The following UNKL variants were observed in gnomAD, a reference collection of about 807,000 sequenced individuals.
UNKL encodes the protein putative E3 ubiquitin-protein ligase UNKL.
UNKL carries 60 observed loss-of-function variants against 78.0 expected under a neutral mutation model. That is an observed-to-expected ratio of 0.77 (90% CI 0.63 to 0.95). The LOEUF (loss-of-function observed/expected upper bound fraction) is 0.95, where lower values mean the gene tolerates loss of function less well. Ranked by LOEUF, UNKL falls within the 40% of genes least tolerant of loss-of-function variation. The pLI is 0.00. For missense variants in UNKL, 1,159 were observed against 1,045.7 expected (o/e 1.11, Z -1.49); for synonymous variants, 608 against 474.8 (o/e 1.28, Z -3.65).
intron 8 of UNKL, 137 bp downstream of exon 8, chr16:1,392,754 A>T: frequency 1.9e-6 from 2 of 1,041,038 alleles, no homozygotes; most frequent in Non-Finnish European, 2.8e-6. Context: ...GGATTTTTCT[A>T]GACTCTTCTA....
chr16:1,407,860 C>G (rs779431746), intron 2 of UNKL, among the ~76,000 whole-genome samples: 125 of 152,092 alleles, frequency 8.2e-4, no homozygotes, highest in Non-Finnish European at 1.4e-3. Context: ...GATGGCCACT[C>G]GTTCTGTGGC....
chr16:1,363,429 A>G lies in UNKL; in HGVS notation c.*2811T>C, dbSNP rs1341768096. ...AACATACAGATTGAGGCTTCCAGAA[A>G]TTAATCCACTTGAGGCGTCCACGCG... On this transcript the variant is annotated 3_prime_UTR_variant, in exon 15 of 15. Transcript: ENST00000389221. 1 of 358,628 alleles carries G rather than the reference A, an allele frequency of 2.8e-6. No homozygotes were observed. The highest frequency in any genetic ancestry group is 2.2e-5 in the South Asian group (1 of 44,450). The allele number at this position is 358,628 out of a possible 1,614,324, so 22.2% of individuals were successfully genotyped here.
intron 8 of UNKL, among the ~76,000 whole-genome samples, chr16:1,392,297 G>A (rs146897401): frequency 8.0e-4 from 122 of 152,266 alleles, no homozygotes; most frequent in Non-Finnish European, 1.2e-3. Flanking sequence ...TTCCCTCTGT[G>A]AAGGTGTCCT....
At chr16:1,391,533 G>A (rs574473992) in intron 8 of UNKL, among the ~76,000 whole-genome samples, 7 of 151,440 alleles carry the variant, frequency 4.6e-5, no homozygotes, top group South Asian at 2.1e-4. Flanking sequence ...TCCTGACCTC[G>A]AGCGATTGTC....
chr16:1,370,143 G>A lies in UNKL; in HGVS notation c.1572C>T (p.Ser524=), dbSNP rs1372871260. The change falls in exon 12 of 15, where the codon TCC becomes TCT. Residue 524 remains serine, a synonymous_variant. Coordinates refer to ENST00000389221, the MANE Select transcript of UNKL (RefSeq NM_001372107.1). ...GCCGGCACTCACCTAGGGGGCTGTA[G>A]GATGAGGCTGCAGAGCCCAGTGTGC... ...EPGTLGSAAS[S]YSPLGLNGVP... 1.3e-6 allele frequency: 2 copies of A among 1,522,178 alleles called. No individual in the cohort carries two copies. Among genetic ancestry groups the A allele is most frequent in the African/African-American group, 2.8e-5 (2 of 72,518 alleles). 94.3% of individuals were successfully genotyped at this position (1,522,178 alleles called of 1,614,324 possible). A position where few individuals can be genotyped will look rare whatever the true frequency, so the allele number is the denominator to read the frequency against.
chr16:1,370,911 G>A lies in UNKL; in HGVS notation c.1358-554C>T, dbSNP rs993015014. On this transcript the variant is annotated intron_variant, in intron 11 of 14. Coordinates refer to ENST00000389221, the MANE Select transcript of UNKL (RefSeq NM_001372107.1). ...ATCCTGGCTAACATGGTGAAACCCC[G>A]TCTCTATTAAAAATACAAAAAATTA... is the stretch of plus-strand genomic sequence containing the variant. Among the ~76,000 whole-genome samples, 8 of 152,026 alleles carry A rather than the reference G, an allele frequency of 5.3e-5. 1 individual carries two copies. The highest frequency in any genetic ancestry group is 1.9e-4 in the East Asian group (1 of 5,172).
In UNKL at chr16:1,403,181, C is replaced by T. The variant is rs375894648; in HGVS notation, c.451G>A (p.Val151Met). 7 of 1,611,768 alleles carry T rather than the reference C, an allele frequency of 4.3e-6. No homozygotes were observed. Among genetic ancestry groups the T allele is most frequent in the Non-Finnish European group, 5.9e-6 (7 of 1,179,094 alleles). Reference protein sequence around the residue: ...AHGPLDLRPPVCDVRELQAQE... With the variant: ...AHGPLDLRPPMCDVRELQAQE... ...ATGCCCACTCACCTGACGTCACACA[C>T]GGGCGGCCGCAGGTCCAGGGGGCCG... Residue 151 changes from valine to methionine, a missense_variant, in exon 3 of 15, where the codon GTG (valine) becomes ATG (methionine). Physicochemically the swap from Val to Met is conservative, Grantham distance 21. Transcript: ENST00000389221. This position sits in a 1 kb window ranked among gnomAD's most constrained non-coding sequence, Gnocchi z 4.8.
Position 1,370,292 on chromosome 16 carries a change from G to A in UNKL, c.1423C>T (p.Leu475=). 2 of 1,534,586 alleles carry A rather than the reference G, an allele frequency of 1.3e-6. No individual in the cohort carries two copies. Among genetic ancestry groups the A allele is most frequent in the Non-Finnish European group, 1.7e-6 (2 of 1,145,870 alleles). Residue 475 remains leucine, a synonymous_variant, in exon 12 of 15, where the codon CTA becomes TTA. Coordinates refer to ENST00000389221, the MANE Select transcript of UNKL (RefSeq NM_001372107.1). ...IPGSLPRAPS[L]HSPSSASTSP... is the part of the protein sequence containing the mutation. ...GTGGACGCAGAGGATGGCGAGTGTAGCGATGGTGCTCTGGGCAGGGAGCCG... is the reference window on the plus strand; with the variant it reads ...GTGGACGCAGAGGATGGCGAGTGTAACGATGGTGCTCTGGGCAGGGAGCCG...
intron 10 of UNKL, among the ~76,000 whole-genome samples, chr16:1,372,020 G>T (rs1408201386): frequency 2.6e-5 from 4 of 152,148 alleles, no homozygotes. Flanking sequence ...ACTTTGGGAG[G>T]CCGAGGTGGG....
In UNKL at chr16:1,387,360, G is replaced by C. The variant is rs979801408; in HGVS notation, c.1087-1975C>G. Among the ~76,000 whole-genome samples, 1 of 152,292 alleles carries C rather than the reference G, an allele frequency of 6.6e-6. No individual in the cohort carries two copies. The highest frequency in any genetic ancestry group is 2.4e-5 in the African/African-American group (1 of 41,582). On this transcript the variant is annotated intron_variant, in intron 9 of 14. Transcript: ENST00000389221. The surrounding 1 kb of genome is among the most constrained non-coding windows in gnomAD (Gnocchi z 4.1). Reference sequence around the variant, plus strand: ...AACACTATGGGTGATTCGAGACCTGGTGCCATCTCAGTGGCAACCCGCCCC... The same window carrying C: ...AACACTATGGGTGATTCGAGACCTGCTGCCATCTCAGTGGCAACCCGCCCC...
intron 14 of UNKL, 63 bp downstream of exon 14, chr16:1,367,029 C>G (rs1270561564): frequency 6.8e-7 from 1 of 1,460,948 alleles, no homozygotes; most frequent in Non-Finnish European, 9.0e-7. Context: ...AGGGCCCTCC[C>G]CAGACAGGGA....
intron 2 of UNKL, 131 bp downstream of exon 2, chr16:1,413,715 C>G (rs1054973427): frequency 7.8e-6 from 8 of 1,025,338 alleles, no homozygotes; most frequent in Non-Finnish European, 9.6e-6. Flanking sequence ...AAAATTTCAG[C>G]GTATAATTAC....
intron 7 of UNKL, among the ~76,000 whole-genome samples, chr16:1,393,620 G>T (rs1448087508): frequency 1.3e-5 from 2 of 152,222 alleles, no homozygotes; most frequent in Non-Finnish European, 2.9e-5. Flanking sequence ...CAGCAAACGG[G>T]CTCTGGAAAG....
chr16:1,379,312 C>G (rs2036473559), intron 10 of UNKL: 1 of 255,624 alleles, frequency 3.9e-6, no homozygotes, highest in African/African-American at 2.3e-5. Context: ...TCTCCTGCCC[C>G]GCTCCGCTCC....
rs2035065591 is a variant in UNKL, at chr16:1,364,386, A to C, written c.*1854T>G. ...TTTTACCTAGACGTTTTGCACTTAAAAAATGCTATTAAAAGTCTTTGGCAA... is the reference window on the plus strand; with the variant it reads ...TTTTACCTAGACGTTTTGCACTTAACAAATGCTATTAAAAGTCTTTGGCAA... On this transcript the variant is annotated 3_prime_UTR_variant, in exon 15 of 15. Transcript: ENST00000389221. 2 of 152,382 alleles carry C rather than the reference A, an allele frequency of 1.3e-5. No individual in the cohort carries two copies. The highest frequency in any genetic ancestry group is 4.1e-4 in the South Asian group (2 of 4,828). The allele number at this position is 152,382 out of a possible 1,614,324, so 9.4% of individuals were successfully genotyped here.
chr16:1,371,021 T>G (rs549521149), intron 11 of UNKL, among the ~76,000 whole-genome samples: 59 of 145,606 alleles, frequency 4.1e-4, no homozygotes, highest in African/African-American at 1.5e-3. Flanking sequence ...AGGTGGAGCT[T>G]GCAGTGAGCG....
At position 1,367,729 on chromosome 16, in the gene UNKL, C is replaced by CGGGCCA; in HGVS notation, c.1709_1714dup (p.Leu570_Ala571dup). The CGGGCCA allele has an allele frequency of 2.5e-6, 4 of 1,579,114 alleles. No individual in the cohort carries two copies. The highest frequency in any genetic ancestry group is 3.4e-6 in the Non-Finnish European group (4 of 1,163,454). ...GGCCTCGTCCAGCTGCCGCCTGACC[C>CGGGCCA]GGGCCAGCTCAGCTCCGTTTGGACT... On this transcript the variant is annotated inframe_insertion, in exon 13 of 15. Transcript: ENST00000389221.
At chr16:1,398,876 G>A in intron 5 of UNKL, 1 of 1,575,546 alleles carries the variant, frequency 6.3e-7, no homozygotes, top group Non-Finnish European at 8.6e-7. Context: ...GTGCACCCTG[G>A]GCAGGGCGAC....
intron 10 of UNKL, among the ~76,000 whole-genome samples, chr16:1,380,167 C>G (rs1015346264): frequency 1.3e-5 from 2 of 152,246 alleles, no homozygotes; most frequent in Non-Finnish European, 2.9e-5. Flanking sequence ...TGGAACCTAT[C>G]AGATGGGTCT....
Sources: allele counts gnomAD v4.1 joint callset (sites outside exome capture counted in the v4.1 genomes callset), GRCh38; gene constraint gnomAD v4.1.1; non-coding constraint Gnocchi (gnomAD v3.1); transcripts MANE v1.5; gene names NCBI Gene and HGNC (gene_info 2026-07-23, HGNC 2026-07-21).